The following TRDN variants were observed in gnomAD, a reference collection of about 807,000 sequenced individuals.
TRDN encodes the protein triadin, also known as triadin in skeletal muscle.
In TRDN, 161 loss-of-function variants were observed where a neutral mutation model predicts 149.7. The ratio of observed to expected loss-of-function variants is 1.08; its 90% CI spans 0.95 to 1.23. The LOEUF (loss-of-function observed/expected upper bound fraction) is 1.23. TRDN is among the 50% of genes most tolerant of loss of function. The pLI, the probability that TRDN is intolerant of heterozygous loss-of-function variation, is 0.00. For missense variants in TRDN, 896 were observed against 823.5 expected (o/e 1.09, Z -1.08); for synonymous variants, 294 against 250.5 (o/e 1.17, Z -1.64).
intron 29 of TRDN, among the ~76,000 whole-genome samples, chr6:123,272,170 A>C (rs1427340041): frequency 6.6e-6 from 1 of 151,976 alleles, no homozygotes; most frequent in Non-Finnish European, 1.5e-5. Flanking sequence ...AGATTTTCTG[A>C]AGTACAATTT....
chr6:123,343,707 A>G (rs150395559), intron 21 of TRDN, among the ~76,000 whole-genome samples: 82 of 152,144 alleles, frequency 5.4e-4, no homozygotes, highest in African/African-American at 1.9e-3. Context: ...TAACCTGCAC[A>G]TTGTGCACAT....
chr6:123,504,779 T>C (rs1778845466), intron 7 of TRDN, among the ~76,000 whole-genome samples: 1 of 152,202 alleles, frequency 6.6e-6, no homozygotes, highest in Non-Finnish European at 1.5e-5. Context: ...GCAGTAATAA[T>C]GTAGCACATA....
intron 10 of TRDN, chr6:123,464,695 A>G (rs1237239064): frequency 7.5e-7 from 1 of 1,330,088 alleles, no homozygotes. Flanking sequence ...CTGGAAGCTG[A>G]GGGTCACCAA....
intron 7 of TRDN, among the ~76,000 whole-genome samples, chr6:123,511,956 C>T (rs1779203376): frequency 6.6e-6 from 1 of 151,612 alleles, no homozygotes; most frequent in Non-Finnish European, 1.5e-5. Context: ...AGGATAACCT[C>T]CCTATTTTAG....
chr6:123,225,555 C>T (rs774153030), intron 38 of TRDN, among the ~76,000 whole-genome samples: 2 of 150,728 alleles, frequency 1.3e-5, no homozygotes, highest in African/African-American at 2.4e-5. Context: ...TACACACACA[C>T]AGAATGGTGG....
intron 24 of TRDN, among the ~76,000 whole-genome samples, chr6:123,285,877 AATT>A (rs1356191468): frequency 1.3e-5 from 2 of 152,134 alleles, no homozygotes; most frequent in African/African-American, 2.4e-5. Context: ...ATGAACAAAT[AATT>A]CTCAAAAGAA....
intron 1 of TRDN, among the ~76,000 whole-genome samples, chr6:123,633,834 G>A (rs560013145): frequency 9.8e-4 from 149 of 152,050 alleles, no homozygotes; most frequent in Admixed American, 2.8e-3. Flanking sequence ...TTATAGGCAC[G>A]ACATGCACTG....
intron 2 of TRDN, among the ~76,000 whole-genome samples, chr6:123,556,080 G>C (rs1037323987): frequency 6.6e-6 from 1 of 152,094 alleles, no homozygotes; most frequent in African/African-American, 2.4e-5. Flanking sequence ...TGAGTAATCA[G>C]ATTGTAAAAT....
intron 23 of TRDN, among the ~76,000 whole-genome samples, chr6:123,326,544 C>T (rs376242919): frequency 1.5e-5 from 2 of 134,574 alleles, no homozygotes. Context: ...CTTAAAGTCA[C>T]CCAAATTTTC....
At chr6:123,357,320 G>T (rs981511479) in intron 20 of TRDN, among the ~76,000 whole-genome samples, 4 of 152,050 alleles carry the variant, frequency 2.6e-5, no homozygotes, top group African/African-American at 9.7e-5. Flanking sequence ...AAAGAGAAAA[G>T]AGATCAGTTT....
chr6:123,631,644 CAT>C (rs1260082807), intron 1 of TRDN, among the ~76,000 whole-genome samples: 2 of 151,932 alleles, frequency 1.3e-5, no homozygotes, highest in African/African-American at 4.8e-5. Context: ...TTCACTGACC[CAT>C]ATATGTTATG....
intron 19 of TRDN, among the ~76,000 whole-genome samples, chr6:123,368,299 G>C (rs1417864397): frequency 6.6e-6 from 1 of 152,094 alleles, no homozygotes; most frequent in Non-Finnish European, 1.5e-5. Flanking sequence ...CCTCTTCATT[G>C]TTGTCATCAA....
At chr6:123,443,381 T>C (rs977745983) in intron 10 of TRDN, among the ~76,000 whole-genome samples, 1 of 151,608 alleles carries the variant, frequency 6.6e-6, no homozygotes, top group African/African-American at 2.4e-5. Flanking sequence ...GAATGGGCAA[T>C]TGGAAAGATT....
intron 1 of TRDN, among the ~76,000 whole-genome samples, chr6:123,578,783 C>T (rs906714690): frequency 1.3e-5 from 2 of 152,052 alleles, no homozygotes. Context: ...TATCCGTGAG[C>T]ATGGGATGTT....
At position 123,571,109 on chromosome 6, in the gene TRDN, C is replaced by G. The variant is rs974343553; in HGVS notation, c.46G>C (p.Val16Leu). 6 of 1,613,776 alleles carry G rather than the reference C, an allele frequency of 3.7e-6. No homozygotes were observed. In the African/African-American group the frequency reaches 6.7e-5, roughly 18 times the overall value. The change falls in exon 2 of 41, where the codon GTG (valine) becomes CTG (leucine). Residue 16 changes from valine (V) to leucine (L), a missense_variant. Coordinates refer to ENST00000334268, the MANE Select transcript of TRDN (RefSeq NM_006073.4). ...ACAGATCCATTTTTGCTGTCTATCA[C>G]AGTTGTGGTTGTAGATGCATTTCCT... Reference protein sequence around the residue: ...AEGNASTTTTVIDSKNGSVPK... With the variant: ...AEGNASTTTTLIDSKNGSVPK...
intron 23 of TRDN, among the ~76,000 whole-genome samples, chr6:123,330,313 T>G (rs1216958023): frequency 2.0e-5 from 3 of 152,046 alleles, no homozygotes; most frequent in African/African-American, 7.2e-5. Flanking sequence ...AGTAAGATCA[T>G]GTTAAAGAAA....
Position 123,352,528 on chromosome 6 carries a change from T to C in TRDN, c.1369+11A>G, listed in dbSNP as rs749599654. The C allele has an allele frequency of 4.5e-6, 7 of 1,548,862 alleles. No individual in the cohort carries two copies. The highest frequency in any genetic ancestry group is 4.4e-6 in the Non-Finnish European group (5 of 1,143,338). On this transcript the variant is annotated intron_variant, in intron 21 of 40. Transcript: ENST00000334268. ...AAGAAGATAATGTCAACCTCCTTCA[T>C]TTTTTTTTACCTTGCTCCACTGTCT...
intron 12 of TRDN, among the ~76,000 whole-genome samples, chr6:123,409,514 G>C (rs1361350722): frequency 6.6e-6 from 1 of 152,130 alleles, no homozygotes; most frequent in Non-Finnish European, 1.5e-5. Context: ...ATAATACTTT[G>C]AACATAATAG....
intron 9 of TRDN, among the ~76,000 whole-genome samples, chr6:123,491,541 AT>A (rs947668763): frequency 5.3e-5 from 8 of 152,172 alleles, no homozygotes; most frequent in South Asian, 2.1e-4. Context: ...AAACTAAATA[AT>A]TTTTTTTAAT....
Sources: allele counts gnomAD v4.1 joint callset (sites outside exome capture counted in the v4.1 genomes callset), GRCh38; gene constraint gnomAD v4.1.1; transcripts MANE v1.5; gene names NCBI Gene and HGNC (gene_info 2026-07-23, HGNC 2026-07-21).